OR2L13: variants seen among roughly 807,000 people sequenced by gnomAD.
The protein encoded by OR2L13 is olfactory receptor family 2 subfamily L member 13.
A neutral mutation model predicts 15.3 loss-of-function variants in OR2L13; 14 were observed. The observed-to-expected ratio is 0.91, with a 90% CI of 0.60 to 1.43. The LOEUF is 1.43. Among genes scored for constraint, OR2L13 ranks in the 40% most tolerant of loss-of-function variants. The pLI, the probability that OR2L13 is intolerant of heterozygous loss-of-function variation, is 0.00. For synonymous variants in OR2L13, 152 were observed against 142.9 expected (o/e 1.06, Z -0.45); for missense variants, 367 against 387.9 (o/e 0.95, Z 0.45).
chr1:248,037,468 T>C, the OR2L13 span, among the ~76,000 whole-genome samples: 1 of 152,158 alleles, frequency 6.6e-6, no homozygotes. Context: ...GCATCTGAGA[T>C]TGTGTTGGGC....
the OR2L13 span, chr1:248,023,494 G>GACT: frequency 6.6e-6 from 1 of 152,186 alleles, no homozygotes; most frequent in East Asian, 1.9e-4. Context: ...TGAATGTGGA[G>GACT]TAGGTTATTT....
the OR2L13 span, chr1:247,949,651 G>A: frequency 1.1e-3 from 1,737 of 1,613,684 alleles, 22 homozygotes; most frequent in African/African-American, 0.02. Context: ...AGATCCCTGC[G>A]ATCTCCAACA....
At chr1:247,965,306 C>G in the OR2L13 span, 1 of 1,493,304 alleles carries the variant, frequency 6.7e-7, no homozygotes, top group Non-Finnish European at 8.9e-7. Context: ...ATTTTACTTT[C>G]TCTTAAGGGA....
At chr1:248,008,889 A>G in the OR2L13 span, among the ~76,000 whole-genome samples, 9 of 152,310 alleles carry the variant, frequency 5.9e-5, no homozygotes, top group South Asian at 4.1e-4. Flanking sequence ...AAACTCACTC[A>G]AAACCACACA....
At chr1:247,950,818 A>G in the OR2L13 span, among the ~76,000 whole-genome samples, 1 of 152,176 alleles carries the variant, frequency 6.6e-6, no homozygotes, top group South Asian at 2.1e-4. Flanking sequence ...GATAGCACGA[A>G]TAAGAGCCAG....
At chr1:247,977,934 A>G in the OR2L13 span, among the ~76,000 whole-genome samples, 2 of 152,102 alleles carry the variant, frequency 1.3e-5, no homozygotes, top group Non-Finnish European at 2.9e-5. Context: ...ACTTCAGCTC[A>G]TCACCCGTCC....
the OR2L13 span, among the ~76,000 whole-genome samples, chr1:248,078,473 C>T: frequency 6.6e-6 from 1 of 151,814 alleles, no homozygotes; most frequent in Non-Finnish European, 1.5e-5. Context: ...CTCCATCACA[C>T]ACACACACAC....
chr1:248,013,443 T>C, the OR2L13 span, among the ~76,000 whole-genome samples: 2 of 152,114 alleles, frequency 1.3e-5, no homozygotes, highest in Non-Finnish European at 2.9e-5. Flanking sequence ...CATCCTCTGT[T>C]ATTAGTGACT....
the OR2L13 span, chr1:248,045,804 G>C: frequency 6.6e-6 from 1 of 152,188 alleles, no homozygotes; most frequent in Admixed American, 6.5e-5. Context: ...TCGGAGTGTA[G>C]TGGTGTTTAC....
the OR2L13 span, among the ~76,000 whole-genome samples, chr1:248,068,916 T>G: frequency 6.6e-6 from 1 of 151,616 alleles, no homozygotes; most frequent in Non-Finnish European, 1.5e-5. Context: ...AGAAGGGAAG[T>G]TTAGAGAAAA....
chr1:248,051,778 T>TTTATTTAC, the OR2L13 span, among the ~76,000 whole-genome samples: 73 of 152,072 alleles, frequency 4.8e-4, 1 homozygote, highest in African/African-American at 1.6e-3. Context: ...ATTTTATTTA[T>TTTATTTAC]TTATTTATTA....
the OR2L13 span, chr1:248,063,014 T>C: frequency 6.6e-6 from 1 of 152,240 alleles, no homozygotes; most frequent in Non-Finnish European, 1.5e-5. Flanking sequence ...TGTAGTATAG[T>C]TTGAAGTTTG....
At chr1:248,050,039 C>T in the OR2L13 span, among the ~76,000 whole-genome samples, 10 of 151,998 alleles carry the variant, frequency 6.6e-5, no homozygotes, top group African/African-American at 1.9e-4. Flanking sequence ...TTGATGAACT[C>T]CAATAGAATC....
chr1:248,042,694 T>C, the OR2L13 span, among the ~76,000 whole-genome samples: 1 of 152,188 alleles, frequency 6.6e-6, no homozygotes, highest in East Asian at 1.9e-4. Flanking sequence ...TTAGGTCTTT[T>C]GTTCTTTCAT....
the OR2L13 span, among the ~76,000 whole-genome samples, chr1:247,945,110 T>C: frequency 6.6e-6 from 1 of 152,152 alleles, no homozygotes; most frequent in Non-Finnish European, 1.5e-5. Context: ...GGGTGTCGAT[T>C]TGAGATCTTT....
chr1:248,006,837 A>G, the OR2L13 span, among the ~76,000 whole-genome samples: 1 of 152,300 alleles, frequency 6.6e-6, no homozygotes, highest in South Asian at 2.1e-4. Context: ...TGAACCAGAA[A>G]GCAACCTTTC....
chr1:247,999,979 C>A, the OR2L13 span, among the ~76,000 whole-genome samples: 2 of 152,062 alleles, frequency 1.3e-5, no homozygotes, highest in African/African-American at 4.8e-5. Flanking sequence ...AGAAAGTAAT[C>A]CAGATTCTGG....
At chr1:248,047,129 A>G in the OR2L13 span, among the ~76,000 whole-genome samples, 1 of 152,314 alleles carries the variant, frequency 6.6e-6, no homozygotes, top group South Asian at 2.1e-4. Flanking sequence ...TTGAAGAGAC[A>G]GGGATACATT....
chr1:247,949,258 G>A, the OR2L13 span: 4,814 of 1,614,106 alleles, frequency 3.0e-3, 48 homozygotes, highest in African/African-American at 0.043. Context: ...TATCTCATCC[G>A]CATGAGCAAA....
Sources: allele counts gnomAD v4.1 joint callset (sites outside exome capture counted in the v4.1 genomes callset), GRCh38; gene constraint gnomAD v4.1.1; transcripts MANE v1.5; gene names NCBI Gene and HGNC (gene_info 2026-07-23, HGNC 2026-07-21).